The following GTPBP6 variants were observed in gnomAD, a reference collection of about 807,000 sequenced individuals.
The protein encoded by GTPBP6 is putative GTP-binding protein 6.
In GTPBP6, 33 loss-of-function variants were observed where a neutral mutation model predicts 28.9. The ratio of observed to expected loss-of-function variants is 1.14; its 90% CI spans 0.87 to 1.53. The LOEUF (loss-of-function observed/expected upper bound fraction) is 1.53, where lower values mean the gene tolerates loss of function less well. Ranked by LOEUF, GTPBP6 falls within the 40% of genes most tolerant of loss-of-function variation. GTPBP6 has a pLI of 0.00. For missense variants in GTPBP6, 507 were observed against 408.3 expected, an observed-to-expected ratio of 1.24 and a Z score of -2.08; for synonymous variants, 231 against 192.7, an observed-to-expected ratio of 1.20 and a Z score of -1.65.
rs371522881 is a variant in GTPBP6 at position 307,491 on chromosome X, G to T, written c.1296C>A (p.Asn432Lys). 37 of 1,611,226 alleles carry T rather than the reference G, an allele frequency of 2.3e-5. No individual in the cohort carries two copies. In the East Asian group the frequency reaches 8.2e-4, roughly 36 times the overall value. ...CCCGCAGGGCAGACACGGGCACGAC[G>T]TTCGGTTCCGTGGGGCTGTACCTGC... Residue 432 changes from asparagine (N) to lysine (K), a missense_variant, in exon 9 of 10, where the codon AAC becomes AAA. By Grantham distance (94) the Asn-to-Lys change is moderately conservative. Coordinates refer to ENST00000326153, the Ensembl canonical transcript of GTPBP6.
chrX:311,774 G>A (rs1272782356), intron 6 of GTPBP6, 147 bp from the exon 7 acceptor site: 30 of 682,004 alleles, frequency 4.4e-5, no homozygotes, highest in Middle Eastern at 4.0e-4. Context: ...CGGGCACCCC[G>A]GGCCAGACCC....
intron 9 of GTPBP6, among the ~76,000 whole-genome samples, chrX:305,432 C>T (rs28642329): frequency 0.31 from 46,515 of 150,596 alleles, 8,466 homozygotes; most frequent in South Asian, 0.53. Context: ...AGTGATTCTC[C>T]TGCCTCAGCC....
intron 1 of GTPBP6, among the ~76,000 whole-genome samples, chrX:317,540 A>C (rs1300494035): frequency 9.7e-6 from 1 of 102,598 alleles, no homozygotes; most frequent in Non-Finnish European, 1.7e-5. Flanking sequence ...CGACTTATTC[A>C]TTTGCATTTC....
At chrX:317,087 C>A in intron 1 of GTPBP6, 36 bp from the exon 2 acceptor site, 1 of 338,510 alleles carries the variant, frequency 3.0e-6, no homozygotes, top group Non-Finnish European at 4.8e-6. Context: ...AGAGACGCTT[C>A]TGCCCGGGGC....
intron 7 of GTPBP6, among the ~76,000 whole-genome samples, chrX:308,535 C>T (rs1744094559): frequency 6.6e-6 from 1 of 151,970 alleles, no homozygotes; most frequent in Admixed American, 6.6e-5. Flanking sequence ...AAAAATTAGC[C>T]ATGGCCTGGT....
rs779077536 is a variant in GTPBP6 at position 307,487 on chromosome X, C to T, written c.1300G>A (p.Val434Met). The change falls in exon 9 of 10, where the codon GTG becomes ATG. Residue 434 changes from valine (V) to methionine (M), a missense_variant. Transcript: ENST00000326153. ...TGGCCCCGCAGGGCAGACACGGGCACGACGTTCGGTTCCGTGGGGCTGTAC... is the reference window on the plus strand; with the variant it reads ...TGGCCCCGCAGGGCAGACACGGGCATGACGTTCGGTTCCGTGGGGCTGTAC... The T allele has an allele frequency of 2.0e-5, 33 of 1,611,342 alleles. No individual in the cohort carries two copies. In the South Asian group the frequency reaches 2.3e-4, roughly 11 times the overall value.
At chrX:305,294 A>C in intron 9 of GTPBP6, 97 bp from the exon 10 acceptor site, 1 of 959,508 alleles carries the variant, frequency 1.0e-6, no homozygotes, top group Non-Finnish European at 1.7e-6. Context: ...CTTAGCTCAA[A>C]CCATTCATCA....
chrX:315,644 CACAA>C (rs2070419597), intron 2 of GTPBP6, among the ~76,000 whole-genome samples: 2 of 58,632 alleles, frequency 3.4e-5, no homozygotes, highest in African/African-American at 5.4e-5. Flanking sequence ...CAGAGACACA[CACAA>C]ACACAGTAAA....
At chrX:316,736 C>G (rs1430840027) in intron 2 of GTPBP6, among the ~76,000 whole-genome samples, 178 bp downstream of exon 2, 60 of 152,268 alleles carry the variant, frequency 3.9e-4, no homozygotes, top group African/African-American at 1.3e-3. Flanking sequence ...ACAGATAAAG[C>G]CTCACCGTCC....
chrX:311,581 C>CTGGA lies in GTPBP6; in HGVS notation c.959_962dup (p.Gln321HisfsTer131), dbSNP rs748253388. The stretch of plus-strand genomic sequence containing the variant: ...GCGTGGCAAACAGCTGGTCCCGTGG[C>CTGGA]TGGATGGCGGCATCGCCCGTCAGTG... On this transcript the variant is annotated frameshift_variant, in exon 7 of 10. Coordinates refer to ENST00000326153, the Ensembl canonical transcript of GTPBP6. LOFTEE classifies it high-confidence loss of function. 188 of 1,612,336 alleles carry CTGGA rather than the reference C, an allele frequency of 1.2e-4. No homozygotes were observed. Among genetic ancestry groups the CTGGA allele is most frequent in the Non-Finnish European group, 1.5e-4 (173 of 1,179,572 alleles).
intron 7 of GTPBP6, among the ~76,000 whole-genome samples, chrX:309,080 A>AG (rs1216812889): frequency 1.3e-5 from 2 of 152,132 alleles, no homozygotes; most frequent in East Asian, 1.9e-4. Context: ...GGCGGGGTTC[A>AG]GTCCCATCTC....
At chrX:312,863 C>T in exon 6 of GTPBP6, 1 of 1,612,814 alleles carries the variant, frequency 6.2e-7, no homozygotes, top group Non-Finnish European at 8.5e-7. Context: ...TGTCCAAGGC[C>T]TTCCTGATCT....
intron 7 of GTPBP6, among the ~76,000 whole-genome samples, chrX:310,396 TC>T (rs2070261329): frequency 1.6e-5 from 2 of 125,900 alleles, no homozygotes; most frequent in Admixed American, 7.4e-5. Flanking sequence ...GGAAGGACCC[TC>T]CCCTAGAGCC....
intron 7 of GTPBP6, among the ~76,000 whole-genome samples, chrX:308,450 T>C (rs2070218831): frequency 6.6e-6 from 1 of 152,118 alleles, no homozygotes; most frequent in South Asian, 2.1e-4. Context: ...ACTGAGGCAC[T>C]TTGGGAGGTG....
intron 7 of GTPBP6, among the ~76,000 whole-genome samples, chrX:308,095 A>T (rs915565609): frequency 6.6e-6 from 1 of 152,066 alleles, no homozygotes; most frequent in Non-Finnish European, 1.5e-5. Flanking sequence ...CAACCTTCCA[A>T]GCCACAGGCA....
intron 5 of GTPBP6, among the ~76,000 whole-genome samples, chrX:313,399 G>A (rs1266571458): frequency 2.6e-5 from 4 of 152,180 alleles, no homozygotes; most frequent in African/African-American, 7.2e-5. Context: ...CCGGAGTGAC[G>A]AGGCCACAAG....
intron 9 of GTPBP6, among the ~76,000 whole-genome samples, chrX:306,258 AC>A (rs1411792578): frequency 1.3e-5 from 2 of 148,482 alleles, no homozygotes; most frequent in African/African-American, 2.6e-5. Context: ...TCAGAAATGT[AC>A]ATTTTGACTG....
At chrX:309,715 C>T (rs1033072700) in intron 7 of GTPBP6, among the ~76,000 whole-genome samples, 4 of 145,704 alleles carry the variant, frequency 2.7e-5, no homozygotes, top group Non-Finnish European at 6.0e-5. Context: ...CAGGAAGGAC[C>T]CTCACCTAGA....
At chrX:312,827 G>A in exon 6 of GTPBP6, 1 of 1,612,792 alleles carries the variant, frequency 6.2e-7, no homozygotes, top group Non-Finnish European at 8.5e-7. Context: ...GCTGCCGGCG[G>A]AGCAGGTGCC....
Sources: allele counts gnomAD v4.1 joint callset (sites outside exome capture counted in the v4.1 genomes callset), GRCh38; gene constraint gnomAD v4.1.1; transcripts MANE v1.5; gene names NCBI Gene and HGNC (gene_info 2026-07-23, HGNC 2026-07-21).